The following SLC20A1 variants were observed in gnomAD, a reference collection of about 807,000 sequenced individuals.
SLC20A1 encodes sodium-dependent phosphate transporter 1.
SLC20A1 carries 28 observed loss-of-function variants against 62.7 expected under a neutral mutation model. The ratio of observed to expected loss-of-function variants is 0.45; its 90% CI spans 0.33 to 0.61. The LOEUF (loss-of-function observed/expected upper bound fraction) is 0.61, where lower values mean the gene tolerates loss of function less well. Ranked by LOEUF, SLC20A1 falls within the 20% of genes least tolerant of loss-of-function variation. The pLI, the probability that SLC20A1 is intolerant of heterozygous loss-of-function variation, is 0.02. For synonymous variants in SLC20A1, 305 were observed against 302.9 expected (o/e 1.01, Z -0.07); for missense variants, 673 against 838.6 (o/e 0.80, Z 2.44).
intron 6 of SLC20A1, 25 bp from the exon 7 acceptor site, chr2:112,658,800 A>C: frequency 6.3e-7 from 1 of 1,577,612 alleles, no homozygotes; most frequent in East Asian, 2.2e-5. Flanking sequence ...ACCAAACCAA[A>C]AAAGACCCCC....
chr2:112,656,373 G>T (rs1239858495), intron 5 of SLC20A1, among the ~76,000 whole-genome samples: 8 of 150,972 alleles, frequency 5.3e-5, no homozygotes. Flanking sequence ...ATTTTTTTTT[G>T]TATTTTTAGT....
rs529473816 is a variant in SLC20A1 at position 112,663,788 on chromosome 2, C to T, written c.*763C>T. 1 of 152,796 alleles carries T rather than the reference C, an allele frequency of 6.5e-6. No individual in the cohort carries two copies. Among genetic ancestry groups the T allele is most frequent in the South Asian group, 2.1e-4 (1 of 4,830 alleles). 9.5% of individuals were successfully genotyped at this position (152,796 alleles called of 1,614,324 possible). A position where few individuals can be genotyped will look rare whatever the true frequency, so the allele number is the denominator to read the frequency against. ...CAGCCTTCCATGTTCATTTGTCTAC[C>T]TCTTAACTGAATAAAAAAGCCTACA... On this transcript the variant is annotated 3_prime_UTR_variant, in exon 11 of 11. Coordinates refer to ENST00000272542, the MANE Select transcript of SLC20A1 (RefSeq NM_005415.5).
intron 10 of SLC20A1, 123 bp from the exon 11 acceptor site, chr2:112,662,741 C>G: frequency 2.2e-6 from 2 of 917,892 alleles, no homozygotes; most frequent in Non-Finnish European, 3.3e-6. Context: ...TGTAAACCAG[C>G]TTTCTTGGAC....
At position 112,663,625 on chromosome 2, in the gene SLC20A1, C is replaced by CA. The variant is rs1686808982; in HGVS notation, c.*601dup. 6.4e-6 allele frequency: 1 copy of CA among 156,458 alleles called. No individual in the cohort carries two copies. Among genetic ancestry groups the CA allele is most frequent in the Non-Finnish European group, 1.4e-5 (1 of 70,582 alleles). The allele number at this position is 156,458 out of a possible 1,614,324, so 9.7% of individuals were successfully genotyped here. A position where few individuals can be genotyped will look rare whatever the true frequency, so the allele number is the denominator to read the frequency against. The stretch of plus-strand genomic sequence containing the variant: ...TTTAAATTAGTAACTTTTTTGCAAG[C>CA]AGTTTATTGACTGTTATTGCTAAGA... On this transcript the variant is annotated 3_prime_UTR_variant, in exon 11 of 11. Coordinates refer to ENST00000272542, the MANE Select transcript of SLC20A1 (RefSeq NM_005415.5).
chr2:112,650,133 C>T (rs189549682), intron 4 of SLC20A1, among the ~76,000 whole-genome samples: 31 of 152,232 alleles, frequency 2.0e-4, no homozygotes, highest in African/African-American at 7.5e-4. Flanking sequence ...ATTTGTTTAC[C>T]TCAGGGAATA....
At chr2:112,654,587 A>G (rs1686532272) in intron 5 of SLC20A1, among the ~76,000 whole-genome samples, 1 of 152,164 alleles carries the variant, frequency 6.6e-6, no homozygotes, top group Non-Finnish European at 1.5e-5. Context: ...ATGAAAAGAT[A>G]CATAGTCACC....
chr2:112,652,388 G>A, intron 4 of SLC20A1: 2 of 399,776 alleles, frequency 5.0e-6, no homozygotes, highest in Middle Eastern at 7.1e-4. Flanking sequence ...TCAGGTGTGT[G>A]CTGAAGTTTA....
chr2:112,660,248 C>G (rs1225673346), intron 8 of SLC20A1, 139 bp from the exon 9 acceptor site: 3 of 736,320 alleles, frequency 4.1e-6, no homozygotes, highest in Non-Finnish European at 7.0e-6. Flanking sequence ...CCATTTATGT[C>G]TTTAGAAAGA....
Position 112,662,909 on chromosome 2 carries a change from G to A in SLC20A1, c.1924G>A (p.Val642Ile). 1 of 1,614,190 alleles carries A rather than the reference G, an allele frequency of 6.2e-7. No homozygotes were observed. The highest frequency in any genetic ancestry group is 8.5e-7 in the Non-Finnish European group (1 of 1,180,030). The change falls in exon 11 of 11, where the codon GTT becomes ATT. Residue 642 changes from valine (V) to isoleucine (I), a missense_variant. Coordinates refer to ENST00000272542, the MANE Select transcript of SLC20A1 (RefSeq NM_005415.5). ...SVGWLRSKKA[V>I]DWRLFRNIFM... Reference sequence around the variant, plus strand: ...TGGCTGGCTCCGGTCCAAGAAGGCTGTTGACTGGCGTCTCTTTCGTAACAT... The same window carrying A: ...TGGCTGGCTCCGGTCCAAGAAGGCTATTGACTGGCGTCTCTTTCGTAACAT...
chr2:112,646,857 C>G lies in SLC20A1; in HGVS notation c.29C>G (p.Ala10Gly), dbSNP rs1292485544. 2 of 1,613,170 alleles carry G rather than the reference C, an allele frequency of 1.2e-6. No homozygotes were observed. Among genetic ancestry groups the G allele is most frequent in the Non-Finnish European group, 1.7e-6 (2 of 1,179,344 alleles). Residue 10 changes from alanine to glycine, a missense_variant, in exon 2 of 11, where the codon GCT becomes GGT. Ala to Gly is a moderately conservative substitution (Grantham distance 60). Transcript: ENST00000272542. ...GCAACGCTGATTACCAGTACTACAGCTGCTACCGCCGCTTCTGGTCCTTTG... is the reference window on the plus strand; with the variant it reads ...GCAACGCTGATTACCAGTACTACAGGTGCTACCGCCGCTTCTGGTCCTTTG... Reference protein sequence around the residue: MATLITSTTAATAASGPLVD... With the variant: MATLITSTTGATAASGPLVD...
In SLC20A1 at chr2:112,659,656, G is replaced by A; in HGVS notation, c.1501G>A (p.Glu501Lys). 1 of 1,614,228 alleles carries A rather than the reference G, an allele frequency of 6.2e-7. No individual in the cohort carries two copies. The highest frequency in any genetic ancestry group is 8.5e-7 in the Non-Finnish European group (1 of 1,180,028). The part of the protein sequence containing the change: ...GDRKGSNGSL[E>K]EWYDQDKPEV... Reference sequence around the variant, plus strand: ...CAGAAAAGGAAGTAATGGCTCTCTAGAAGAATGGTATGACCAGGATAAGCC... The same window carrying A: ...CAGAAAAGGAAGTAATGGCTCTCTAAAAGAATGGTATGACCAGGATAAGCC... Residue 501 changes from glutamate (E) to lysine (K), a missense_variant, in exon 8 of 11, where the codon GAA becomes AAA. By Grantham distance (56) the Glu-to-Lys change is moderately conservative. Transcript: ENST00000272542.
Position 112,657,214 on chromosome 2 carries a change from T to C in SLC20A1, c.751T>C (p.Cys251Arg), listed in dbSNP as rs1686616334. 6.2e-7 allele frequency: 1 copy of C among 1,613,938 alleles called. No individual in the cohort carries two copies. The highest frequency in any genetic ancestry group is 8.5e-7 in the Non-Finnish European group (1 of 1,179,954). Residue 251 changes from cysteine to arginine, a missense_variant, in exon 6 of 11, where the codon TGT becomes CGT. By Grantham distance (180) the Cys-to-Arg change is radical. Transcript: ENST00000272542. ...TGCCCTTATCGTCTGGTTCTTTGTATGTCCCAGGATGAAGAGAAAAATTGA... is the reference window on the plus strand; with the variant it reads ...TGCCCTTATCGTCTGGTTCTTTGTACGTCCCAGGATGAAGAGAAAAATTGA... The part of the protein sequence containing the change: ...FCALIVWFFV[C>R]PRMKRKIERE...
rs1686288136 is a variant in SLC20A1 at position 112,646,699 on chromosome 2, C to T, written c.-130C>T. On this transcript the variant is annotated 5_prime_UTR_variant, in exon 2 of 11. Transcript: ENST00000272542. The stretch of plus-strand genomic sequence containing the variant: ...TAACTCCCCAGCTCGGTTTCTGTGC[C>T]GTAGTTTACAGTATTTAATTTTATA... 1.1e-5 allele frequency: 4 copies of T among 367,080 alleles called. No homozygotes were observed. Among genetic ancestry groups the T allele is most frequent in the Non-Finnish European group, 1.8e-5 (4 of 225,622 alleles). 22.7% of individuals were successfully genotyped at this position (367,080 alleles called of 1,614,324 possible). A position where few individuals can be genotyped will look rare whatever the true frequency, so the allele number is the denominator to read the frequency against.
At position 112,658,740 on chromosome 2, in the gene SLC20A1, T is replaced by G. The variant is rs1686665611; in HGVS notation, c.779-85T>G. 2.8e-6 allele frequency: 4 copies of G among 1,430,078 alleles called. No individual in the cohort carries two copies. In the Admixed American group the frequency reaches 9.2e-5, roughly 33 times the overall value. 88.6% of individuals were successfully genotyped at this position (1,430,078 alleles called of 1,614,324 possible). ...ACATACATTCTTGTTTTGAGATGAG[T>G]TTTTTGGGGGTGGAGGAAAGGAGAC... On this transcript the variant is annotated intron_variant, in intron 6 of 10. Transcript: ENST00000272542.
chr2:112,660,303 C>A, intron 8 of SLC20A1, 84 bp from the exon 9 acceptor site: 2 of 1,223,020 alleles, frequency 1.6e-6, no homozygotes, highest in South Asian at 1.4e-5. Flanking sequence ...CTTTAGACAA[C>A]CTGGTAGATC....
At position 112,663,349 on chromosome 2, in the gene SLC20A1, T is replaced by C; in HGVS notation, c.*324T>C. 2.7e-6 allele frequency: 1 copy of C among 369,682 alleles called. No individual in the cohort carries two copies. The highest frequency in any genetic ancestry group is 2.2e-5 in the South Asian group (1 of 45,006). The allele number at this position is 369,682 out of a possible 1,614,324, so 22.9% of individuals were successfully genotyped here. ...TTTTAATGTTGTCTCTGAAGATGAC[T>C]TGTGATTTTTTTTTCTTTTTTTTAA... On this transcript the variant is annotated 3_prime_UTR_variant, in exon 11 of 11. Coordinates refer to ENST00000272542, the MANE Select transcript of SLC20A1 (RefSeq NM_005415.5).
intron 4 of SLC20A1, among the ~76,000 whole-genome samples, chr2:112,648,091 GT>G (rs1271530375): frequency 6.6e-6 from 1 of 152,164 alleles, no homozygotes; most frequent in African/African-American, 2.4e-5. Flanking sequence ...TAAACTTGGA[GT>G]TCAAGACAGT....
rs750880631 is a variant in SLC20A1 at position 112,658,974 on chromosome 2, G to T, written c.928G>T (p.Ala310Ser). 6.2e-7 allele frequency: 1 copy of T among 1,614,162 alleles called. No individual in the cohort carries two copies. Among genetic ancestry groups the T allele is most frequent in the East Asian group, 2.2e-5 (1 of 44,880 alleles). ...AGGGCCTGCCACTGTGCCCCTCCAG[G>T]CTGTGGTGGAGGAGAGAACAGTCTC... ...EVGPATVPLQ[A>S]VVEERTVSFK... The change falls in exon 7 of 11, where the codon GCT becomes TCT. Residue 310 changes from alanine to serine, a missense_variant. Coordinates refer to ENST00000272542, the MANE Select transcript of SLC20A1 (RefSeq NM_005415.5).
intron 2 of SLC20A1, 37 bp from the exon 3 acceptor site, chr2:112,647,287 T>G: frequency 6.2e-7 from 1 of 1,604,230 alleles, no homozygotes; most frequent in Non-Finnish European, 8.5e-7. Flanking sequence ...ATAATGGAAT[T>G]TTGATATTTA....
Sources: allele counts gnomAD v4.1 joint callset (sites outside exome capture counted in the v4.1 genomes callset), GRCh38; gene constraint gnomAD v4.1.1; transcripts MANE v1.5; gene names NCBI Gene and HGNC (gene_info 2026-07-23, HGNC 2026-07-21).